MBIP: variants seen among roughly 807,000 people sequenced by gnomAD.
MBIP encodes the protein MAP3K12-binding inhibitory protein 1.
A neutral mutation model predicts 45.7 loss-of-function variants in MBIP; 32 were observed. That is an observed-to-expected ratio of 0.70 (90% confidence interval 0.53 to 0.94). The LOEUF (loss-of-function observed/expected upper bound fraction) is 0.94, where lower values mean the gene tolerates loss of function less well. Among genes scored for constraint, MBIP ranks in the 40% least tolerant of loss-of-function variants. The pLI is 0.00. For missense variants in MBIP, 381 were observed against 405.5 expected, an observed-to-expected ratio of 0.94 and a Z score of 0.52; for synonymous variants, 145 against 141.0, an observed-to-expected ratio of 1.03 and a Z score of -0.20.
Position 36,299,088 on chromosome 14 carries a change from G to A in MBIP, c.1030C>T (p.Pro344Ser), listed in dbSNP as rs1217722144. The A allele has an allele frequency of 3.1e-6, 5 of 1,613,172 alleles. No homozygotes were observed. The highest frequency in any genetic ancestry group is 4.2e-6 in the Non-Finnish European group (5 of 1,179,288). ...EAESMATHHL[P>S] ...ACAAGGATGAGAGGAGTTTTTCATG[G>A]AAGGTGGTGGGTTGCCATGGATTCT... is the stretch of plus-strand genomic sequence containing the variant. Residue 344 changes from proline to serine, a missense_variant, in exon 9 of 9, where the codon CCA (proline) becomes TCA (serine). By Grantham distance (74) the Pro-to-Ser change is moderately conservative. Coordinates refer to ENST00000416007, the MANE Select transcript of MBIP (RefSeq NM_016586.3).
At chr14:36,311,068 A>G (rs928447231) in intron 6 of MBIP, among the ~76,000 whole-genome samples, 1 of 152,168 alleles carries the variant, frequency 6.6e-6, no homozygotes, top group African/African-American at 2.4e-5. Flanking sequence ...ATAAGACAGA[A>G]GTGGGCAGAT....
At chr14:36,315,046 T>C (rs2139232001) in intron 2 of MBIP, 131 bp from the exon 3 acceptor site, 1 of 630,244 alleles carries the variant, frequency 1.6e-6, no homozygotes, top group East Asian at 2.7e-5. Context: ...AAAAAGTTGG[T>C]ATACCAGGAC....
chr14:36,306,118 A>G (rs1465860746), intron 7 of MBIP, among the ~76,000 whole-genome samples: 1 of 152,176 alleles, frequency 6.6e-6, no homozygotes, highest in Non-Finnish European at 1.5e-5. Context: ...TAAACTTCTG[A>G]GCATAGCACT....
chr14:36,311,893 C>A, intron 5 of MBIP, 66 bp downstream of exon 5: 1 of 1,309,600 alleles, frequency 7.6e-7, no homozygotes, highest in Non-Finnish European at 1.1e-6. Context: ...AAAGTTATTT[C>A]TATTCCATTT....
intron 6 of MBIP, among the ~76,000 whole-genome samples, chr14:36,310,566 T>C (rs1880139584): frequency 6.6e-6 from 1 of 152,212 alleles, no homozygotes; most frequent in Non-Finnish European, 1.5e-5. Flanking sequence ...TGCCAGGCAC[T>C]GTAATAGGTA....
chr14:36,300,079 C>T (rs374948828), intron 8 of MBIP, among the ~76,000 whole-genome samples: 2 of 152,008 alleles, frequency 1.3e-5, no homozygotes, highest in African/African-American at 4.8e-5. Context: ...TTTAAAGCAG[C>T]AACGAAGTGT....
At chr14:36,311,405 C>CTA (rs1178538914) in intron 6 of MBIP, among the ~76,000 whole-genome samples, 168 bp downstream of exon 6, 1 of 152,120 alleles carries the variant, frequency 6.6e-6, no homozygotes, top group African/African-American at 2.4e-5. Flanking sequence ...CAAAAGGGTA[C>CTA]TATGACCTTT....
Position 36,316,754 on chromosome 14 carries a change from A to G in MBIP, c.188T>C (p.Leu63Pro). 1.2e-6 allele frequency: 2 copies of G among 1,613,160 alleles called. No individual in the cohort carries two copies. The highest frequency in any genetic ancestry group is 1.7e-6 in the Non-Finnish European group (2 of 1,179,342). ...ITIDWNKLQS[L>P]SAFQPALLFS... ...GAGCAATGCAGGCTGGAATGCCGAG[A>G]GGCTCTGGAGCTTGTTCCAATCGAT... The change falls in exon 2 of 9, where the codon CTC (leucine) becomes CCC (proline). Residue 63 changes from leucine (L) to proline (P), a missense_variant. By Grantham distance (98) the Leu-to-Pro change is moderately conservative. Coordinates refer to ENST00000416007, the MANE Select transcript of MBIP (RefSeq NM_016586.3).
chr14:36,300,889 T>C (rs953368024), intron 7 of MBIP, 66 bp from the exon 8 acceptor site: 13 of 1,010,208 alleles, frequency 1.3e-5, no homozygotes, highest in Admixed American at 5.6e-5. Context: ...CTTTATAAAA[T>C]ACTGTACAAA....
Position 36,298,849 on chromosome 14 carries a change from C to A in MBIP, c.*234G>T. 2 of 338,580 alleles carry A rather than the reference C, an allele frequency of 5.9e-6. No individual in the cohort carries two copies. Among genetic ancestry groups the A allele is most frequent in the South Asian group, 8.6e-5 (1 of 11,642 alleles). The allele number at this position is 338,580 out of a possible 1,614,324, so 21.0% of individuals were successfully genotyped here. Reference sequence around the variant, plus strand: ...TTAAGTTTTTCAATTTCCAAAATACCTCCTTTAAAACAGAAGGGAATAAAT... The same window carrying A: ...TTAAGTTTTTCAATTTCCAAAATACATCCTTTAAAACAGAAGGGAATAAAT... On this transcript the variant is annotated 3_prime_UTR_variant, in exon 9 of 9. Coordinates refer to ENST00000416007, the MANE Select transcript of MBIP (RefSeq NM_016586.3).
At chr14:36,314,196 CT>C (rs1263899728) in intron 4 of MBIP, 3 of 241,570 alleles carry the variant, frequency 1.2e-5, no homozygotes, top group Non-Finnish European at 2.4e-5. Flanking sequence ...AGCTCAGTTC[CT>C]TTTACTAGTG....
intron 4 of MBIP, among the ~76,000 whole-genome samples, chr14:36,313,129 G>A (rs908491704): frequency 6.7e-5 from 10 of 149,392 alleles, no homozygotes; most frequent in Non-Finnish European, 1.5e-4. Context: ...AGACTAAATA[G>A]ACATCTTTCC....
chr14:36,307,036 T>G (rs539253492), intron 7 of MBIP, among the ~76,000 whole-genome samples: 2 of 152,222 alleles, frequency 1.3e-5, no homozygotes, highest in Non-Finnish European at 2.9e-5. Flanking sequence ...GTATGCTAAG[T>G]GTTTGATCAG....
chr14:36,310,001 T>C (rs889665592), intron 6 of MBIP, among the ~76,000 whole-genome samples: 11 of 152,218 alleles, frequency 7.2e-5, no homozygotes, highest in African/African-American at 2.4e-4. Flanking sequence ...ATAAAGTCCT[T>C]GAAGCTGGGG....
At chr14:36,306,411 T>C (rs1281842021) in intron 7 of MBIP, among the ~76,000 whole-genome samples, 1 of 152,148 alleles carries the variant, frequency 6.6e-6, no homozygotes, top group Non-Finnish European at 1.5e-5. Flanking sequence ...TGCGCCACCA[T>C]GCCCAGCTTA....
chr14:36,320,435 C>T, intron 1 of MBIP, 25 bp downstream of exon 1: 1 of 1,613,774 alleles, frequency 6.2e-7, no homozygotes, highest in Non-Finnish European at 8.5e-7. Context: ...TTTCCATATT[C>T]CCAGTCCCTC....
intron 2 of MBIP, among the ~76,000 whole-genome samples, chr14:36,315,245 C>T (rs970585643): frequency 6.6e-6 from 1 of 152,114 alleles, no homozygotes; most frequent in Admixed American, 6.6e-5. Context: ...TGTGCCAAAT[C>T]AAAGCCTTCA....
chr14:36,317,972 T>C (rs1880676610), intron 1 of MBIP, among the ~76,000 whole-genome samples: 1 of 152,052 alleles, frequency 6.6e-6, no homozygotes, highest in African/African-American at 2.4e-5. Context: ...AAGATGAGAA[T>C]GGAAGCATTT....
At position 36,308,200 on chromosome 14, in the gene MBIP, T is replaced by TAAA; in HGVS notation, c.791-14_791-12dup. On this transcript the variant is annotated splice_polypyrimidine_tract_variant and intron_variant, in intron 6 of 8. Transcript: ENST00000416007. ...TTGGCACTGGACCACCTAAATACATTAAAAAAAAATCTGAGATACTATTGA... is the reference window on the plus strand; with the variant it reads ...TTGGCACTGGACCACCTAAATACATTAAAAAAAAAAAATCTGAGATACTATTGA... 7.5e-7 allele frequency: 1 copy of TAAA among 1,337,518 alleles called. No homozygotes were observed. The allele number at this position is 1,337,518 out of a possible 1,614,324, so 82.9% of individuals were successfully genotyped here.
Sources: gnomAD v4.1 joint callset for allele counts (sites outside exome capture counted in the v4.1 genomes callset) on GRCh38, gnomAD v4.1.1 for gene constraint, MANE v1.5 for transcripts, NCBI Gene and HGNC (gene_info 2026-07-23, HGNC 2026-07-21) for gene names.